The following TNS3 variants were observed in gnomAD, a reference collection of about 807,000 sequenced individuals.
TNS3 encodes tensin 3, also known as tensin-3.
TNS3 carries 45 observed loss-of-function variants against 140.9 expected under a neutral mutation model. That is an observed-to-expected ratio of 0.32 (90% CI 0.25 to 0.41). TNS3 has a LOEUF of 0.41. TNS3 is among the 10% of genes least tolerant of loss of function. The pLI is 1.00. For synonymous variants in TNS3, 815 were observed against 788.4 expected (o/e 1.03, Z -0.56); for missense variants, 1,716 against 1,906.7 (o/e 0.90, Z 1.86).
intron 16 of TNS3, among the ~76,000 whole-genome samples, chr7:47,389,136 A>C (rs370569519): frequency 3.7e-4 from 15 of 40,614 alleles, no homozygotes; most frequent in South Asian, 2.3e-3. Flanking sequence ...GAAGAAGAAG[A>C]AGAAGAAGAA....
chr7:47,509,421 C>T lies in TNS3; in HGVS notation c.-152-2477G>A, dbSNP rs1798529523. Among the ~76,000 whole-genome samples, 4 of 152,210 alleles carry T rather than the reference C, an allele frequency of 2.6e-5. No individual in the cohort carries two copies. The South Asian group carries it at 8.3e-4, about 32-fold the overall frequency. ...AGTCCACCGTCAATCTATCCGTGGC[C>T]CAGCTCTGGTCAGCACCGCACCAGG... On this transcript the variant is annotated intron_variant, in intron 2 of 30. Coordinates refer to ENST00000311160, the MANE Select transcript of TNS3 (RefSeq NM_022748.12).
chr7:47,361,031 A>G (rs543293857), intron 17 of TNS3, among the ~76,000 whole-genome samples: 1 of 151,298 alleles, frequency 6.6e-6, no homozygotes, highest in South Asian at 2.1e-4. Flanking sequence ...CCACTTGCTT[A>G]CTTCCCTCCC....
Position 47,507,022 on chromosome 7 carries a change from A to T in TNS3, c.-152-78T>A. On this transcript the variant is annotated intron_variant, in intron 2 of 30. Coordinates refer to ENST00000311160, the MANE Select transcript of TNS3 (RefSeq NM_022748.12). ...AATTCTTACATCTTCAAACCCTCTC[A>T]ATCCTTCAGAGTCTCTGGCTTGAAG... is the stretch of plus-strand genomic sequence containing the variant. The T allele has an allele frequency of 2.5e-6, 3 of 1,181,824 alleles. 1 individual carries two copies. The highest frequency in any genetic ancestry group is 2.6e-5 in the South Asian group (2 of 76,704). 73.2% of individuals were successfully genotyped at this position (1,181,824 alleles called of 1,614,324 possible).
intron 16 of TNS3, among the ~76,000 whole-genome samples, chr7:47,383,107 G>A (rs1315261680): frequency 6.6e-6 from 1 of 152,194 alleles, no homozygotes; most frequent in Non-Finnish European, 1.5e-5. Flanking sequence ...CCAAAACACA[G>A]ACAAGAATGT....
intron 1 of TNS3, among the ~76,000 whole-genome samples, chr7:47,568,327 G>A (rs1800475686): frequency 6.6e-6 from 1 of 152,160 alleles, no homozygotes; most frequent in Non-Finnish European, 1.5e-5. Context: ...TCCAGAGCAG[G>A]CAGAATGGAG....
At chr7:47,415,009 G>T in intron 11 of TNS3, 85 bp downstream of exon 11, 1 of 1,006,530 alleles carries the variant, frequency 9.9e-7, no homozygotes, top group East Asian at 2.8e-5. Context: ...AAGGAAAGCC[G>T]AGGCTTATCT....
chr7:47,572,225 C>T (rs1800573780), intron 1 of TNS3, among the ~76,000 whole-genome samples: 1 of 152,250 alleles, frequency 6.6e-6, no homozygotes, highest in South Asian at 2.1e-4. Context: ...GGCCATCCCT[C>T]CAGGGCGTTC....
intron 2 of TNS3, among the ~76,000 whole-genome samples, chr7:47,510,090 CTG>C (rs1340232122): frequency 6.6e-6 from 1 of 152,204 alleles, no homozygotes; most frequent in African/African-American, 2.4e-5. Flanking sequence ...TAATGTGAGA[CTG>C]GGGTTTGTGG....
At chr7:47,557,090 A>G (rs773802194) in intron 1 of TNS3, 67 of 456,720 alleles carry the variant, frequency 1.5e-4, no homozygotes, top group African/African-American at 1.2e-3. Flanking sequence ...TTGGTGATGC[A>G]TCCGAATCCT....
intron 13 of TNS3, among the ~76,000 whole-genome samples, chr7:47,404,731 A>T (rs1217605086): frequency 6.6e-6 from 1 of 152,052 alleles, no homozygotes; most frequent in Non-Finnish European, 1.5e-5. Flanking sequence ...CTAAAAAAAT[A>T]CAAAAAGCCG....
chr7:47,508,546 G>A (rs1390561889), intron 2 of TNS3, among the ~76,000 whole-genome samples: 1 of 152,224 alleles, frequency 6.6e-6, no homozygotes, highest in Non-Finnish European at 1.5e-5. Flanking sequence ...CTGGCTGAGT[G>A]AGAGTCAGGC....
intron 16 of TNS3, among the ~76,000 whole-genome samples, chr7:47,392,308 G>A (rs890707794): frequency 1.1e-4 from 17 of 152,248 alleles, no homozygotes; most frequent in African/African-American, 3.6e-4. Flanking sequence ...ATTCAAGGCC[G>A]GCTCCTTTCT....
chr7:47,527,485 G>A lies in TNS3; in HGVS notation c.-153+1551C>T, dbSNP rs531414246. ...TGCAATTTCTCATCACCTTACACCT[G>A]CAGGCCCCAAACACAAAGGGCCACC... is the stretch of plus-strand genomic sequence containing the variant. On this transcript the variant is annotated intron_variant, in intron 2 of 30. Transcript: ENST00000311160. Among the ~76,000 whole-genome samples the A allele has an allele frequency of 6.6e-5, 10 of 152,238 alleles. No homozygotes were observed. The East Asian group carries it at 7.7e-4, about 12-fold the overall frequency.
intron 13 of TNS3, among the ~76,000 whole-genome samples, chr7:47,410,346 C>G (rs377763422): frequency 3.3e-5 from 5 of 152,350 alleles, no homozygotes; most frequent in Admixed American, 6.5e-5. Flanking sequence ...CCCCAAACCT[C>G]AGCTTTCTTG....
At chr7:47,483,220 A>G (rs2151798098) in intron 3 of TNS3, among the ~76,000 whole-genome samples, 1 of 150,846 alleles carries the variant, frequency 6.6e-6, no homozygotes, top group African/African-American at 2.4e-5. Context: ...CCCAGGCTAG[A>G]GTGCAGTGGC....
intron 8 of TNS3, among the ~76,000 whole-genome samples, 168 bp from the exon 9 acceptor site, chr7:47,428,544 C>G (rs980722213): frequency 6.6e-6 from 1 of 152,190 alleles, no homozygotes; most frequent in African/African-American, 2.4e-5. Context: ...CCCAGTGCAA[C>G]TGGAGTCTCT....
chr7:47,365,538 C>A (rs564034392), intron 17 of TNS3, among the ~76,000 whole-genome samples: 8 of 151,896 alleles, frequency 5.3e-5, no homozygotes, highest in African/African-American at 1.7e-4. Context: ...CCGAGGGGGG[C>A]GGATCACAAG....
intron 13 of TNS3, among the ~76,000 whole-genome samples, chr7:47,408,597 C>T (rs1446443065): frequency 1.3e-5 from 2 of 152,300 alleles, no homozygotes; most frequent in East Asian, 3.9e-4. Flanking sequence ...TCATCCTCTG[C>T]CAGGCGCTGT....
chr7:47,347,389 A>G (rs771753246), intron 17 of TNS3, among the ~76,000 whole-genome samples: 8 of 152,128 alleles, frequency 5.3e-5, no homozygotes, highest in Non-Finnish European at 7.4e-5. Context: ...AGACTTCAGA[A>G]GCTCACAGGA....
Sources: allele counts gnomAD v4.1 joint callset (sites outside exome capture counted in the v4.1 genomes callset), GRCh38; gene constraint gnomAD v4.1.1; transcripts MANE v1.5; gene names NCBI Gene and HGNC (gene_info 2026-07-23, HGNC 2026-07-21).